Variants in FGF14 observed in about 807,000 individuals in gnomAD.
FGF14 encodes fibroblast growth factor 14.
A neutral mutation model predicts 25.5 loss-of-function variants in FGF14; 5 were observed. The observed-to-expected ratio is 0.20, with a 90% CI of 0.10 to 0.41. The LOEUF (loss-of-function observed/expected upper bound fraction) is 0.41. Among genes scored for constraint, FGF14 ranks in the 10% least tolerant of loss-of-function variants. FGF14 has a pLI of 1.00. For synonymous variants in FGF14, 138 were observed against 118.3 expected (o/e 1.17, Z -1.08); for missense variants, 222 against 320.1 (o/e 0.69, Z 2.34).
chr13:102,161,573 G>GA lies in FGF14; in HGVS notation c.208+239897dup, dbSNP rs377102698. 2.7e-3 allele frequency among the ~76,000 whole-genome samples: 15 copies of GA among 5,506 alleles called. 2 individuals are homozygous for GA. The highest frequency in any genetic ancestry group is 2.7e-3 in the Non-Finnish European group (8 of 2,914). 3.6% of individuals were successfully genotyped at this position (5,506 alleles called of 152,430 possible). On this transcript the variant is annotated intron_variant, in intron 1 of 4. Coordinates refer to the FGF14 transcript ENST00000376131. Reference sequence around the variant, plus strand: ...ATGCAACCAACTTTCTGTGAAGAAAGAAAGAAGAAGAAGAAGAAGAAGAAG... The same window carrying GA: ...ATGCAACCAACTTTCTGTGAAGAAAGAAAAGAAGAAGAAGAAGAAGAAGAAG...
chr13:102,129,114 G>C (rs1474539602), intron 1 of FGF14, among the ~76,000 whole-genome samples: 2 of 152,028 alleles, frequency 1.3e-5, no homozygotes, highest in Admixed American at 6.6e-5. Context: ...GCCGGGTGTA[G>C]TGGAGTGCAC....
chr13:102,350,394 T>C (rs2138970414), intron 1 of FGF14, among the ~76,000 whole-genome samples: 1 of 145,974 alleles, frequency 6.9e-6, no homozygotes, highest in Admixed American at 6.8e-5. Context: ...AAAAAAAAAA[T>C]CATCTCCCCA....
rs1251554802 is a variant in FGF14 at position 101,720,162 on chromosome 13, A to AATAC, written c.*2665_*2668dup. The AATAC allele has an allele frequency of 1.3e-5, 2 of 152,130 alleles. No homozygotes were observed. The highest frequency in any genetic ancestry group is 4.8e-5 in the African/African-American group (2 of 41,448). The allele number at this position is 152,130 out of a possible 1,614,324, so 9.4% of individuals were successfully genotyped here. ...ACAAACTCTTTGTATGCAAATTAGCAATACATACCAACAGTTCTTGATACA... is the reference window on the plus strand; with the variant it reads ...ACAAACTCTTTGTATGCAAATTAGCAATACATACATACCAACAGTTCTTGATACA... On this transcript the variant is annotated 3_prime_UTR_variant, in exon 5 of 5. Transcript: ENST00000376143.
At chr13:102,057,563 T>C (rs1595131797) in intron 1 of FGF14, among the ~76,000 whole-genome samples, 1 of 152,196 alleles carries the variant, frequency 6.6e-6, no homozygotes, top group Admixed American at 6.5e-5. Flanking sequence ...ACCTATTTTT[T>C]AATACTGTAT....
At chr13:102,020,498 A>AGATCAC (rs2040581410) in intron 1 of FGF14, among the ~76,000 whole-genome samples, 2 of 152,092 alleles carry the variant, frequency 1.3e-5, no homozygotes, top group South Asian at 4.1e-4. Flanking sequence ...CAGTGAGCCG[A>AGATCAC]GATCACGCAT....
Position 102,099,340 on chromosome 13 carries a change from G to A in FGF14, c.209-224044C>T, listed in dbSNP as rs374786752. Among the ~76,000 whole-genome samples the A allele has an allele frequency of 8.5e-5, 13 of 152,298 alleles. No homozygotes were observed. The East Asian group carries it at 1.3e-3, about 16-fold the overall frequency. ...GGGTATTTACGTGCAGAGAAACAGC[G>A]TGCTCTTGCACCGCTAAGCACTGTT... On this transcript the variant is annotated intron_variant, in intron 1 of 4. Transcript: ENST00000376131.
intron 3 of FGF14, among the ~76,000 whole-genome samples, chr13:101,859,307 C>A (rs1425351218): frequency 1.3e-5 from 2 of 152,152 alleles, no homozygotes; most frequent in Non-Finnish European, 2.9e-5. Context: ...CATGGAATCA[C>A]AGATTCTGAG....
At chr13:101,969,732 G>C (rs911939210) in intron 1 of FGF14, among the ~76,000 whole-genome samples, 3 of 152,132 alleles carry the variant, frequency 2.0e-5, no homozygotes, top group Non-Finnish European at 2.9e-5. Flanking sequence ...TTGCTGCCTA[G>C]AGTAGAAAAG....
intron 1 of FGF14, among the ~76,000 whole-genome samples, chr13:101,876,748 T>A (rs1018205047): frequency 2.6e-5 from 4 of 152,136 alleles, no homozygotes; most frequent in African/African-American, 9.7e-5. Context: ...TGTTCCTTAT[T>A]CTGTAGTATA....
In FGF14 at chr13:102,245,056, A is replaced by AT. The variant is rs575669559; in HGVS notation, c.208+156414dup. 2.6e-5 allele frequency among the ~76,000 whole-genome samples: 4 copies of AT among 152,262 alleles called. No individual in the cohort carries two copies. The East Asian group carries it at 7.7e-4, about 29-fold the overall frequency. The stretch of plus-strand genomic sequence containing the variant: ...CCATTTAGGGAATGCCTGCAGAGAT[A>AT]TTTATCACATCTTCTTTTCAGAAAT... On this transcript the variant is annotated intron_variant, in intron 1 of 4. Transcript: ENST00000376131.
chr13:102,181,159 C>G lies in FGF14; in HGVS notation c.208+220312G>C, dbSNP rs566947621. On this transcript the variant is annotated intron_variant, in intron 1 of 4. Transcript: ENST00000376131. Reference sequence around the variant, plus strand: ...GATAAAGAAAGCTAATTTTGAATCTCAATTAAACAGAATGTTATTTTTTAA... The same window carrying G: ...GATAAAGAAAGCTAATTTTGAATCTGAATTAAACAGAATGTTATTTTTTAA... Among the ~76,000 whole-genome samples, 6 of 152,162 alleles carry G rather than the reference C, an allele frequency of 3.9e-5. No individual in the cohort carries two copies. In the South Asian group the frequency reaches 6.2e-4, roughly 16 times the overall value.
intron 1 of FGF14, among the ~76,000 whole-genome samples, chr13:102,222,375 T>C (rs933903846): frequency 6.6e-6 from 1 of 152,212 alleles, no homozygotes; most frequent in Non-Finnish European, 1.5e-5. Context: ...TGGTCAACCA[T>C]TATTTGTTTG....
intron 1 of FGF14, among the ~76,000 whole-genome samples, chr13:102,238,100 A>T (rs1483176141): frequency 2.0e-5 from 3 of 152,190 alleles, no homozygotes; most frequent in Non-Finnish European, 4.4e-5. Flanking sequence ...TCTTAATTGA[A>T]TTGCATGCTT....
At chr13:102,091,463 C>T (rs1566673332) in intron 1 of FGF14, among the ~76,000 whole-genome samples, 1 of 151,992 alleles carries the variant, frequency 6.6e-6, no homozygotes. Context: ...TCAGTCACCC[C>T]CCACCAACAG....
intron 1 of FGF14, among the ~76,000 whole-genome samples, chr13:102,030,107 T>C (rs2041136850): frequency 6.6e-6 from 1 of 152,108 alleles, no homozygotes; most frequent in Non-Finnish European, 1.5e-5. Context: ...AGATTTTTCA[T>C]TTATAATACC....
intron 1 of FGF14, among the ~76,000 whole-genome samples, chr13:102,264,692 C>T (rs2141132511): frequency 6.6e-6 from 1 of 152,174 alleles, no homozygotes; most frequent in Admixed American, 6.5e-5. Context: ...GACTAAAACA[C>T]CTGAGTCAAA....
intron 3 of FGF14, among the ~76,000 whole-genome samples, chr13:101,847,881 A>G (rs1170560679): frequency 6.6e-6 from 1 of 152,084 alleles, no homozygotes; most frequent in Non-Finnish European, 1.5e-5. Flanking sequence ...TTAACAGAGC[A>G]TGTAAAGTAC....
chr13:101,837,478 G>A (rs1353690218), intron 3 of FGF14, among the ~76,000 whole-genome samples: 3 of 152,088 alleles, frequency 2.0e-5, no homozygotes, highest in African/African-American at 7.2e-5. Flanking sequence ...CAAGCTTGTT[G>A]CGTAATGTGC....
chr13:102,043,114 ATAAT>A (rs528571460), intron 1 of FGF14, among the ~76,000 whole-genome samples: 163 of 152,364 alleles, frequency 1.1e-3, no homozygotes, highest in African/African-American at 1.8e-3. Flanking sequence ...ATAAAAAGAA[ATAAT>A]TAATGTCTTA....
Sources: gnomAD v4.1 joint callset for allele counts (sites outside exome capture counted in the v4.1 genomes callset) on GRCh38, gnomAD v4.1.1 for gene constraint, MANE v1.5 for transcripts, NCBI Gene and HGNC (gene_info 2026-07-23, HGNC 2026-07-21) for gene names.